The following DPY19L4 variants were observed in gnomAD, a reference collection of about 807,000 sequenced individuals.
DPY19L4 encodes dpy-19 like 4, also known as probable C-mannosyltransferase DPY19L4.
In DPY19L4, 97 loss-of-function variants were observed where a neutral mutation model predicts 102.8. That is an observed-to-expected ratio of 0.94 (90% confidence interval 0.80 to 1.12). The LOEUF (loss-of-function observed/expected upper bound fraction) is 1.12, where lower values mean the gene tolerates loss of function less well. Ranked by LOEUF, DPY19L4 falls within the 50% of genes most tolerant of loss-of-function variation. The probability of loss-of-function intolerance (pLI) is 0.00; values close to 1 mark genes in which losing one functional copy is unlikely to be tolerated. For missense variants in DPY19L4, 815 were observed against 850.4 expected, an observed-to-expected ratio of 0.96 and a Z score of 0.52; for synonymous variants, 252 against 283.1, an observed-to-expected ratio of 0.89 and a Z score of 1.10.
intron 1 of DPY19L4, among the ~76,000 whole-genome samples, chr8:94,722,669 A>G (rs190556064): frequency 3.3e-5 from 5 of 152,318 alleles, no homozygotes; most frequent in African/African-American, 4.8e-5. Context: ...CTGTCTGTCT[A>G]TGTGCCAGGC....
intron 6 of DPY19L4, among the ~76,000 whole-genome samples, chr8:94,754,131 C>G (rs1438207081): frequency 8.5e-5 from 13 of 152,086 alleles, no homozygotes; most frequent in Admixed American, 8.5e-4. Context: ...CTGCAGTGAG[C>G]CGTGATCGTG....
At position 94,791,652 on chromosome 8, in the gene DPY19L4, A is replaced by G. The variant is rs958639251; in HGVS notation, c.*1742A>G. 2.0e-5 allele frequency: 3 copies of G among 152,028 alleles called. No individual in the cohort carries two copies. The highest frequency in any genetic ancestry group is 7.2e-5 in the African/African-American group (3 of 41,382). 9.4% of individuals were successfully genotyped at this position (152,028 alleles called of 1,614,324 possible). On this transcript the variant is annotated 3_prime_UTR_variant, in exon 19 of 19. Coordinates refer to ENST00000414645, the MANE Select transcript of DPY19L4 (RefSeq NM_181787.3). ...ATGTAATTGAAAAGTCAGCTTCCAT[A>G]TTTTGTAGGGGAAATAGAACACCCT...
chr8:94,740,385 T>C (rs1325783807), intron 6 of DPY19L4, among the ~76,000 whole-genome samples: 2 of 152,184 alleles, frequency 1.3e-5, no homozygotes, highest in Non-Finnish European at 2.9e-5. Flanking sequence ...CATCTGTGTA[T>C]TTGTATATGT....
chr8:94,768,885 C>T (rs919492237), intron 12 of DPY19L4, among the ~76,000 whole-genome samples: 4 of 151,070 alleles, frequency 2.6e-5, no homozygotes, highest in Admixed American at 2.0e-4. Context: ...TAGCTGGGTG[C>T]GCCTGTAATC....
chr8:94,769,559 A>G (rs1318012903), intron 12 of DPY19L4, among the ~76,000 whole-genome samples: 2 of 152,196 alleles, frequency 1.3e-5, no homozygotes, highest in Admixed American at 1.3e-4. Context: ...ATTTTAAATT[A>G]TAAAGTTTGA....
chr8:94,742,850 GC>G (rs1811507153), intron 6 of DPY19L4, among the ~76,000 whole-genome samples: 1 of 151,552 alleles, frequency 6.6e-6, no homozygotes, highest in Admixed American at 6.6e-5. Flanking sequence ...GAGCCACCGC[GC>G]CCGGCCAATG....
chr8:94,787,331 A>G (rs947656387), intron 17 of DPY19L4, among the ~76,000 whole-genome samples: 18 of 152,142 alleles, frequency 1.2e-4, no homozygotes, highest in African/African-American at 4.3e-4. Flanking sequence ...TGAGGGAGAC[A>G]CTTCCTCTTG....
In DPY19L4 at chr8:94,783,719, G is replaced by T. The variant is rs1363166181; in HGVS notation, c.1765G>T (p.Gly589Cys). The T allele has an allele frequency of 1.9e-6, 3 of 1,614,086 alleles. No homozygotes were observed. The highest frequency in any genetic ancestry group is 8.5e-7 in the Non-Finnish European group (1 of 1,180,008). Reference protein sequence around the residue: ...AVFAGSPQLMGAIKLCTGWMV... With the variant: ...AVFAGSPQLMCAIKLCTGWMV... Reference sequence around the variant, plus strand: ...GTTTGCAGGGAGTCCACAGTTAATGGGTGCGATTAAATTATGCACTGGATG... The same window carrying T: ...GTTTGCAGGGAGTCCACAGTTAATGTGTGCGATTAAATTATGCACTGGATG... Residue 589 changes from glycine (G) to cysteine (C), a missense_variant, in exon 17 of 19, where the codon GGT (glycine) becomes TGT (cysteine). Transcript: ENST00000414645.
intron 2 of DPY19L4, among the ~76,000 whole-genome samples, chr8:94,729,358 T>C (rs12386792): frequency 0.73 from 106,189 of 146,090 alleles, 38,923 homozygotes; most frequent in African/African-American, 0.92. Context: ...GGTGACAGAG[T>C]GAGACTCCGT....
chr8:94,740,181 G>A (rs1811382109), intron 6 of DPY19L4, among the ~76,000 whole-genome samples: 1 of 152,124 alleles, frequency 6.6e-6, no homozygotes. Flanking sequence ...TTTAGCTTAG[G>A]GATACTGAGC....
chr8:94,746,778 A>T (rs1032582813), intron 6 of DPY19L4, among the ~76,000 whole-genome samples: 11 of 152,228 alleles, frequency 7.2e-5, no homozygotes, highest in African/African-American at 2.4e-4. Context: ...ACTTGAAAAT[A>T]CTAATTTATG....
At chr8:94,744,149 A>G (rs1811566728) in intron 6 of DPY19L4, among the ~76,000 whole-genome samples, 1 of 152,184 alleles carries the variant, frequency 6.6e-6, no homozygotes, top group East Asian at 1.9e-4. Flanking sequence ...AGAGGTTTAG[A>G]TTGGTGGTTC....
At chr8:94,752,073 G>A (rs1811957784) in intron 6 of DPY19L4, among the ~76,000 whole-genome samples, 1 of 152,066 alleles carries the variant, frequency 6.6e-6, no homozygotes, top group Admixed American at 6.6e-5. Flanking sequence ...GGGTAGAATG[G>A]CTAGGTCATA....
chr8:94,734,953 C>T lies in DPY19L4; in HGVS notation c.252+199C>T, dbSNP rs573235429. On this transcript the variant is annotated intron_variant, in intron 3 of 18. Transcript: ENST00000414645. The stretch of plus-strand genomic sequence containing the variant: ...CATAGAATAAAACTATGAGGGTGCT[C>T]CCCTTTCTGCAATTAACTTATCAGG... Among the ~76,000 whole-genome samples the T allele has an allele frequency of 1.6e-4, 24 of 152,268 alleles. No homozygotes were observed. The East Asian group carries it at 3.5e-3, about 22-fold the overall frequency.
chr8:94,781,351 C>T (rs1813424783), intron 16 of DPY19L4, among the ~76,000 whole-genome samples, 185 bp downstream of exon 16: 1 of 152,056 alleles, frequency 6.6e-6, no homozygotes, highest in East Asian at 1.9e-4. Context: ...TCTCCATGGG[C>T]TTGAAAATAT....
At chr8:94,751,728 G>A (rs1402917869) in intron 6 of DPY19L4, among the ~76,000 whole-genome samples, 2 of 151,964 alleles carry the variant, frequency 1.3e-5, no homozygotes, top group African/African-American at 2.4e-5. Context: ...GGGCTCAAAC[G>A]ATTCAGACGC....
Position 94,780,369 on chromosome 8 carries a change from T to C in DPY19L4, c.1586T>C (p.Leu529Pro). ...GCTTTAATATTTTAGGCTCTTATTC[T>C]GAGCATGGCCGTGCCTACTATAATA... ...TVHPILLALI[L>P]SMAVPTIIGL... Residue 529 changes from leucine to proline, a missense_variant, in exon 15 of 19, where the codon CTG becomes CCG. Physicochemically the swap from Leu to Pro is moderately conservative, Grantham distance 98 (BLOSUM62 -3). Coordinates refer to ENST00000414645, the MANE Select transcript of DPY19L4 (RefSeq NM_181787.3). 6.8e-7 allele frequency: 1 copy of C among 1,480,774 alleles called. No individual in the cohort carries two copies. Among genetic ancestry groups the C allele is most frequent in the Non-Finnish European group, 9.1e-7 (1 of 1,100,194 alleles). 91.7% of individuals were successfully genotyped at this position (1,480,774 alleles called of 1,614,324 possible).
chr8:94,780,220 G>A (rs980666863), intron 14 of DPY19L4, 139 bp from the exon 15 acceptor site: 16 of 502,740 alleles, frequency 3.2e-5, no homozygotes, highest in Admixed American at 2.5e-4. Context: ...CTGTGAACTA[G>A]GTTCTATGTT....
chr8:94,731,799 T>G (rs1181870671), intron 2 of DPY19L4, among the ~76,000 whole-genome samples: 1 of 152,198 alleles, frequency 6.6e-6, no homozygotes, highest in African/African-American at 2.4e-5. Context: ...TTGCCCAGGC[T>G]GGAGTGCAGT....
Sources: gnomAD v4.1 joint callset for allele counts (sites outside exome capture counted in the v4.1 genomes callset) on GRCh38, gnomAD v4.1.1 for gene constraint, MANE v1.5 for transcripts, NCBI Gene and HGNC (gene_info 2026-07-23, HGNC 2026-07-21) for gene names.